NEK11: variants seen among roughly 807,000 people sequenced by gnomAD.
NEK11 encodes the protein NIMA related kinase 11.
NEK11 carries 72 observed loss-of-function variants against 80.7 expected under a neutral mutation model. That is an observed-to-expected ratio of 0.89 (90% confidence interval 0.74 to 1.08). The LOEUF (loss-of-function observed/expected upper bound fraction) is 1.08, where lower values mean the gene tolerates loss of function less well. NEK11 is among the 50% of genes least tolerant of loss of function. NEK11 has a pLI of 0.00. For synonymous variants in NEK11, 251 were observed against 260.7 expected, an observed-to-expected ratio of 0.96 and a Z score of 0.36; for missense variants, 764 against 763.6, an observed-to-expected ratio of 1.00 and a Z score of -0.01.
intron 14 of NEK11, among the ~76,000 whole-genome samples, chr3:131,225,325 T>C (rs1427217082): frequency 6.6e-6 from 1 of 152,184 alleles, no homozygotes; most frequent in Non-Finnish European, 1.5e-5. Context: ...AGATGTGTAG[T>C]AGGTTATACC....
rs192730191 is a variant in NEK11 at position 131,039,301 on chromosome 3, A to G, written c.170+9423A>G. Among the ~76,000 whole-genome samples, 4 of 152,334 alleles carry G rather than the reference A, an allele frequency of 2.6e-5. No homozygotes were observed. In the East Asian group the frequency reaches 7.7e-4, roughly 29 times the overall value. On this transcript the variant is annotated intron_variant, in intron 3 of 17. Transcript: ENST00000383366. ...ATCCAGAATTCTTAATGGTTGATGA[A>G]TATTAGAATATTCAGTCAGCTAACT...
At chr3:131,207,890 A>G (rs1036177438) in intron 14 of NEK11, among the ~76,000 whole-genome samples, 7 of 152,190 alleles carry the variant, frequency 4.6e-5, no homozygotes, top group Admixed American at 4.6e-4. Flanking sequence ...GGTAGATTGC[A>G]AAAATTTTCT....
chr3:131,179,241 T>G (rs2150146403), intron 14 of NEK11, among the ~76,000 whole-genome samples: 1 of 152,350 alleles, frequency 6.6e-6, no homozygotes. Flanking sequence ...TGCCTTGATC[T>G]TGGACTTCCC....
chr3:131,219,138 C>A (rs1445175730), intron 14 of NEK11, among the ~76,000 whole-genome samples: 2 of 152,156 alleles, frequency 1.3e-5, no homozygotes, highest in Non-Finnish European at 2.9e-5. Flanking sequence ...GACCTGGAAA[C>A]AACCCAAATG....
At chr3:131,159,774 A>AG (rs2091285613) in intron 10 of NEK11, among the ~76,000 whole-genome samples, 1 of 151,856 alleles carries the variant, frequency 6.6e-6, no homozygotes, top group South Asian at 2.1e-4. Context: ...CCAAAAAAAA[A>AG]GAATGCAATC....
intron 14 of NEK11, among the ~76,000 whole-genome samples, chr3:131,180,432 T>C (rs1320860897): frequency 3.9e-5 from 6 of 152,208 alleles, no homozygotes; most frequent in Admixed American, 3.9e-4. Flanking sequence ...CAAAATAATA[T>C]ATTGACTTGT....
chr3:131,160,948 A>C (rs1391143834), intron 10 of NEK11, among the ~76,000 whole-genome samples: 1 of 152,112 alleles, frequency 6.6e-6, no homozygotes, highest in Admixed American at 6.6e-5. Context: ...GCTTTACACC[A>C]GTCAGAATGG....
chr3:131,080,039 T>TTGTGTGTGTGTG (rs34144326), intron 3 of NEK11, among the ~76,000 whole-genome samples: 137 of 148,954 alleles, frequency 9.2e-4, no homozygotes, highest in Middle Eastern at 3.5e-3. Flanking sequence ...GTGTGTGTGT[T>TTGTGTGTGTGTG]TGTGTGTGTG....
chr3:131,349,349 G>C (rs2097419685), intron 17 of NEK11, among the ~76,000 whole-genome samples: 1 of 152,108 alleles, frequency 6.6e-6, no homozygotes, highest in African/African-American at 2.4e-5. Flanking sequence ...CCAGTTCCTT[G>C]AAGGGTACCT....
chr3:131,186,696 G>C (rs538433677), intron 14 of NEK11, among the ~76,000 whole-genome samples: 4 of 152,260 alleles, frequency 2.6e-5, no homozygotes, highest in Non-Finnish European at 4.4e-5. Flanking sequence ...AGGAGCATAA[G>C]AAGGACCAGA....
At position 131,046,540 on chromosome 3, in the gene NEK11, T is replaced by G. The variant is rs1271988275; in HGVS notation, c.170+16662T>G. On this transcript the variant is annotated intron_variant, in intron 3 of 17. Transcript: ENST00000383366. The stretch of plus-strand genomic sequence containing the variant: ...TTGCCTCACAGCTCTTTTTTTCCCC[T>G]TAATCAGAATATGTATCTGGTTTCC... 2.6e-5 allele frequency among the ~76,000 whole-genome samples: 4 copies of G among 152,278 alleles called. No individual in the cohort carries two copies. The East Asian group carries it at 7.7e-4, about 29-fold the overall frequency.
At chr3:131,050,730 C>T (rs901063234) in intron 3 of NEK11, among the ~76,000 whole-genome samples, 1 of 152,148 alleles carries the variant, frequency 6.6e-6, no homozygotes, top group African/African-American at 2.4e-5. Flanking sequence ...AGTAAAAGTT[C>T]TCTGAAAGTA....
At chr3:131,183,032 C>A (rs2037178) in intron 14 of NEK11, among the ~76,000 whole-genome samples, 23,115 of 152,120 alleles carry the variant, frequency 0.15, 1,819 homozygotes, top group Non-Finnish European at 0.17. Context: ...ATAAATTTAG[C>A]CTCCTTTTAT....
At chr3:131,337,889 A>G (rs908613873) in intron 17 of NEK11, among the ~76,000 whole-genome samples, 2 of 152,190 alleles carry the variant, frequency 1.3e-5, no homozygotes, top group African/African-American at 4.8e-5. Context: ...CGCATACCTC[A>G]TATGATTGTG....
chr3:131,189,186 GC>G, intron 14 of NEK11, among the ~76,000 whole-genome samples: 1 of 152,074 alleles, frequency 6.6e-6, no homozygotes, highest in Non-Finnish European at 1.5e-5. Context: ...CCCTGCCAGT[GC>G]CCTGATTTTG....
At chr3:131,094,156 T>C (rs1199488057) in intron 4 of NEK11, among the ~76,000 whole-genome samples, 1 of 151,032 alleles carries the variant, frequency 6.6e-6, no homozygotes, top group African/African-American at 2.4e-5. Context: ...GGGAAGAACT[T>C]GGTATGATCT....
chr3:131,230,627 A>T (rs1057026498), intron 15 of NEK11, among the ~76,000 whole-genome samples: 6 of 152,282 alleles, frequency 3.9e-5, no homozygotes, highest in East Asian at 1.9e-4. Flanking sequence ...GTAATTTTTT[A>T]AAAATTCCTT....
chr3:131,071,511 T>G (rs1353062042), intron 3 of NEK11, among the ~76,000 whole-genome samples: 1 of 152,022 alleles, frequency 6.6e-6, no homozygotes, highest in Non-Finnish European at 1.5e-5. Context: ...ATCTTCTGTT[T>G]GCTATTATTA....
intron 15 of NEK11, among the ~76,000 whole-genome samples, chr3:131,232,005 T>C (rs1033353750): frequency 2.0e-5 from 3 of 152,206 alleles, no homozygotes; most frequent in African/African-American, 7.2e-5. Context: ...GAGTTCTTTG[T>C]GCCACCCATG....
Sources: gnomAD v4.1 joint callset for allele counts (sites outside exome capture counted in the v4.1 genomes callset) on GRCh38, gnomAD v4.1.1 for gene constraint, MANE v1.5 for transcripts, NCBI Gene and HGNC (gene_info 2026-07-23, HGNC 2026-07-21) for gene names.